The following BRPF1 variants were observed in gnomAD, a reference collection of about 807,000 sequenced individuals.
BRPF1 encodes the protein peregrin.
A neutral mutation model predicts 115.0 loss-of-function variants in BRPF1; 15 were observed. The observed-to-expected ratio is 0.13, with a 90% CI of 0.09 to 0.20. BRPF1 has a LOEUF of 0.20. BRPF1 is among the 10% of genes least tolerant of loss of function. BRPF1 has a pLI of 1.00. For missense variants in BRPF1, 1,118 were observed against 1,638.3 expected (o/e 0.68, Z 5.48); for synonymous variants, 647 against 619.8 (o/e 1.04, Z -0.65).
rs2077025861 is a variant in BRPF1, at chr3:9,741,323, A to G, written c.1738A>G (p.Lys580Glu). ...CDQVGRDSED[K>E]NWALKEQLKS... ...GCCTCTACAGAGAGATTCTGAGGAT[A>G]AGAACTGGGCCCTTAAAGAACAGCT... is the stretch of plus-strand genomic sequence containing the variant. Residue 580 changes from lysine (K) to glutamate (E), a missense_variant, in exon 5 of 14, where the codon AAG (lysine) becomes GAG (glutamate). Lys to Glu is a moderately conservative substitution (Grantham distance 56). Transcript: ENST00000383829. 1 of 1,584,112 alleles carries G rather than the reference A, an allele frequency of 6.3e-7. No homozygotes were observed. The highest frequency in any genetic ancestry group is 8.6e-7 in the Non-Finnish European group (1 of 1,160,996).
intron 3 of BRPF1, among the ~76,000 whole-genome samples, chr3:9,740,468 G>A (rs2077010610): frequency 6.6e-6 from 1 of 152,220 alleles, no homozygotes; most frequent in Non-Finnish European, 1.5e-5. Context: ...CTCAGTCTCA[G>A]TGGGGCTCCC....
chr3:9,743,530 C>G lies in BRPF1; in HGVS notation c.2312-48C>G. The G allele has an allele frequency of 6.4e-7, 1 of 1,572,790 alleles. No individual in the cohort carries two copies. The highest frequency in any genetic ancestry group is 8.6e-7 in the Non-Finnish European group (1 of 1,156,724). On this transcript the variant is annotated intron_variant, in intron 7 of 13. Coordinates refer to ENST00000383829, the MANE Select transcript of BRPF1 (RefSeq NM_001003694.2). The surrounding 1 kb of genome is among the most constrained non-coding windows in gnomAD (Gnocchi z 6.1). ...GCTGCCTGCCCAGGTTCAAGGGGCC[C>G]TGAGGGCTGCCCTGAGTCTGACCTT...
In BRPF1 at chr3:9,747,633, T is replaced by G; in HGVS notation, c.*284T>G. The G allele has an allele frequency of 3.1e-6, 1 of 324,742 alleles. No homozygotes were observed. Among genetic ancestry groups the G allele is most frequent in the Non-Finnish European group, 5.8e-6 (1 of 171,540 alleles). 20.1% of individuals were successfully genotyped at this position (324,742 alleles called of 1,614,324 possible). A position where few individuals can be genotyped will look rare whatever the true frequency, so the allele number is the denominator to read the frequency against. ...GTAGGGCGGGGTGGTGGGCCAAAGT[T>G]AGGACACTGCGTAAAACAGGCCATC... On this transcript the variant is annotated 3_prime_UTR_variant, in exon 14 of 14. Coordinates refer to ENST00000383829, the MANE Select transcript of BRPF1 (RefSeq NM_001003694.2). The surrounding 1 kb of genome is among the most constrained non-coding windows in gnomAD (Gnocchi z 5.6).
At position 9,739,732 on chromosome 3, in the gene BRPF1, G is replaced by A; in HGVS notation, c.1333G>A (p.Asp445Asn). 2 of 1,614,074 alleles carry A rather than the reference G, an allele frequency of 1.2e-6. No homozygotes were observed. Among genetic ancestry groups the A allele is most frequent in the Non-Finnish European group, 1.7e-6 (2 of 1,179,910 alleles). ...CAGTGTCCGCAAGACAGCCTACTGCGACATCCACACGCCTCCAGGTTCAGC... is the reference window on the plus strand; with the variant it reads ...CAGTGTCCGCAAGACAGCCTACTGCAACATCCACACGCCTCCAGGTTCAGC... ...SFSVRKTAYC[D>N]IHTPPGSARR... The change falls in exon 3 of 14, where the codon GAC becomes AAC. Residue 445 changes from aspartate (D) to asparagine (N), a missense_variant. This residue lies in a region of BRPF1 where 87 missense variants were observed against 93.4 expected (regional missense o/e 0.93). Coordinates refer to ENST00000383829, the MANE Select transcript of BRPF1 (RefSeq NM_001003694.2).
chr3:9,742,324 C>CTCT (rs2077045417), intron 6 of BRPF1, 153 bp downstream of exon 6: 1 of 985,220 alleles, frequency 1.0e-6, no homozygotes, highest in Non-Finnish European at 1.2e-6. Flanking sequence ...ATCACCTGGA[C>CTCT]TCTGTCTTGT....
Position 9,745,421 on chromosome 3 carries a change from G to T in BRPF1, c.3069-152G>T. 12 of 1,010,846 alleles carry T rather than the reference G, an allele frequency of 1.2e-5. No homozygotes were observed. The highest frequency in any genetic ancestry group is 2.4e-5 in the Admixed American group (1 of 41,434). 62.6% of individuals were successfully genotyped at this position (1,010,846 alleles called of 1,614,324 possible). On this transcript the variant is annotated intron_variant, in intron 10 of 13. Coordinates refer to ENST00000383829, the MANE Select transcript of BRPF1 (RefSeq NM_001003694.2). This position sits in a 1 kb window ranked among gnomAD's most constrained non-coding sequence, Gnocchi z 5.1. ...CCACCTCTGTTAGGTCATCAGCCTA[G>T]CCCCTGTGGGTGTTTGAATTTGAAA...
In BRPF1 at chr3:9,745,461, T is replaced by C. The variant is rs2077106906; in HGVS notation, c.3069-112T>C. The C allele has an allele frequency of 3.1e-6, 4 of 1,280,312 alleles. No homozygotes were observed. The highest frequency in any genetic ancestry group is 4.4e-6 in the Non-Finnish European group (4 of 903,242). The allele number at this position is 1,280,312 out of a possible 1,614,324, so 79.3% of individuals were successfully genotyped here. ...TGAATTTGAAATTCCTCATATAGCC[T>C]CTGCTTTCCAAAAGTCTCAGACCCT... On this transcript the variant is annotated intron_variant, in intron 10 of 13. Coordinates refer to ENST00000383829, the MANE Select transcript of BRPF1 (RefSeq NM_001003694.2). The surrounding 1 kb of genome is among the most constrained non-coding windows in gnomAD (Gnocchi z 5.1).
At position 9,734,518 on chromosome 3, in the gene BRPF1, C is replaced by T. The variant is rs370735679; in HGVS notation, c.378C>T (p.Pro126=). 494 of 1,614,054 alleles carry T rather than the reference C, an allele frequency of 3.1e-4. No homozygotes were observed. Among genetic ancestry groups the T allele is most frequent in the Non-Finnish European group, 3.8e-4 (449 of 1,179,998 alleles). The change falls in exon 2 of 14, where the codon CCC becomes CCT. Residue 126 remains proline (P), a synonymous_variant. Transcript: ENST00000383829. The surrounding 1 kb of genome is among the most constrained non-coding windows in gnomAD (Gnocchi z 5.7). Reference sequence around the variant, plus strand: ...TGGTGTCAGAGGATGAGGAAGCCCCCGAGGAGGCCCCTGAGAATGGCAGCA... The same window carrying T: ...TGGTGTCAGAGGATGAGGAAGCCCCTGAGGAGGCCCCTGAGAATGGCAGCA... The part of the protein sequence containing the change: ...LDVVSEDEEA[P]EEAPENGSNK...
At position 9,734,682 on chromosome 3, in the gene BRPF1, A is replaced by G. The variant is rs201587774; in HGVS notation, c.542A>G (p.Tyr181Cys). 3.1e-6 allele frequency: 5 copies of G among 1,614,184 alleles called. No homozygotes were observed. The highest frequency in any genetic ancestry group is 1.3e-5 in the African/African-American group (1 of 75,040). ...STTPKLPEVV[Y>C]RELEQDTPDA... ...ACTCCCAAGCTGCCAGAGGTGGTCTATCGGGAGCTGGAACAGGACACCCCT... is the reference window on the plus strand; with the variant it reads ...ACTCCCAAGCTGCCAGAGGTGGTCTGTCGGGAGCTGGAACAGGACACCCCT... The change falls in exon 2 of 14, where the codon TAT becomes TGT. Residue 181 changes from tyrosine to cysteine, a missense_variant. Tyr to Cys is a radical substitution (Grantham distance 194). This residue lies in a region of BRPF1 where 280 missense variants were observed against 382.8 expected (regional missense o/e 0.73). Coordinates refer to ENST00000383829, the MANE Select transcript of BRPF1 (RefSeq NM_001003694.2). This position sits in a 1 kb window ranked among gnomAD's most constrained non-coding sequence, Gnocchi z 5.7.
intron 6 of BRPF1, 88 bp from the exon 7 acceptor site, chr3:9,742,856 A>G (rs1055967966): frequency 1.8e-5 from 25 of 1,395,474 alleles, no homozygotes; most frequent in Non-Finnish European, 2.5e-5. Flanking sequence ...AGGTTGCTGG[A>G]TGTGTTTCAG....
At position 9,743,472 on chromosome 3, in the gene BRPF1, G is replaced by C. The variant is rs1220982808; in HGVS notation, c.2312-106G>C. The C allele has an allele frequency of 7.4e-7, 1 of 1,354,456 alleles. No homozygotes were observed. 83.9% of individuals were successfully genotyped at this position (1,354,456 alleles called of 1,614,324 possible). A position where few individuals can be genotyped will look rare whatever the true frequency, so the allele number is the denominator to read the frequency against. ...TGCTGCTATTTTACAGCTGTTCCTG[G>C]TGAGAAGCCCAGGGGGGATGAGTGG... On this transcript the variant is annotated intron_variant, in intron 7 of 13. Coordinates refer to ENST00000383829, the MANE Select transcript of BRPF1 (RefSeq NM_001003694.2). The surrounding 1 kb of genome is among the most constrained non-coding windows in gnomAD (Gnocchi z 6.1).
In BRPF1 at chr3:9,747,252, A is replaced by G; in HGVS notation, c.3566A>G (p.Asn1189Ser). The stretch of plus-strand genomic sequence containing the variant: ...AAGATGCTGGAGGGCCGCAAGTCCA[A>G]CATCCGCAAGTCAGTACAGATCGCC... ...KEKMLEGRKSNIRKSVQIAYH... is the reference protein window; with the variant it reads ...KEKMLEGRKSSIRKSVQIAYH... Residue 1189 changes from asparagine (N) to serine (S), a missense_variant, in exon 14 of 14, where the codon AAC (asparagine) becomes AGC (serine). Coordinates refer to ENST00000383829, the MANE Select transcript of BRPF1 (RefSeq NM_001003694.2). The surrounding 1 kb of genome is among the most constrained non-coding windows in gnomAD (Gnocchi z 5.6). The G allele has an allele frequency of 6.2e-7, 1 of 1,614,204 alleles. No homozygotes were observed.
At chr3:9,732,373 G>A (rs987788288) in intron 1 of BRPF1, 2 of 152,250 alleles carry the variant, frequency 1.3e-5, no homozygotes, top group African/African-American at 4.8e-5. Flanking sequence ...TCCACAAAGG[G>A]GAAACGCCGC....
In BRPF1 at chr3:9,739,064, A is replaced by G. The variant is rs753195868; in HGVS notation, c.665A>G (p.Tyr222Cys). 1.1e-5 allele frequency: 18 copies of G among 1,612,170 alleles called. No individual in the cohort carries two copies. Among genetic ancestry groups the G allele is most frequent in the South Asian group, 2.2e-5 (2 of 90,866 alleles). ...GAGTATGACATGGACGAGGAGGACT[A>G]CATCTGGCTGGATATCATGAATGAG... The part of the protein sequence containing the change: ...EVEYDMDEED[Y>C]IWLDIMNERR... Residue 222 changes from tyrosine (Y) to cysteine (C), a missense_variant, in exon 3 of 14, where the codon TAC (tyrosine) becomes TGC (cysteine). Physicochemically the swap from Tyr to Cys is radical, Grantham distance 194. This residue lies in a region of BRPF1 where 280 missense variants were observed against 382.8 expected (regional missense o/e 0.73). Coordinates refer to ENST00000383829, the MANE Select transcript of BRPF1 (RefSeq NM_001003694.2).
Position 9,746,459 on chromosome 3 carries a change from G to A in BRPF1, c.3479+5G>A. ...CTTTGACAACAAACGAACCTGGTAAGGAGGGGAGCATTTGGTGTGACTCAC... is the reference window on the plus strand; with the variant it reads ...CTTTGACAACAAACGAACCTGGTAAAGAGGGGAGCATTTGGTGTGACTCAC... On this transcript the variant is annotated splice_donor_5th_base_variant and intron_variant, in intron 13 of 13. Transcript: ENST00000383829. 1 of 1,564,634 alleles carries A rather than the reference G, an allele frequency of 6.4e-7. No individual in the cohort carries two copies.
chr3:9,742,537 A>C (rs1323346648), intron 6 of BRPF1: 39 of 985,290 alleles, frequency 4.0e-5, no homozygotes, highest in Non-Finnish European at 4.3e-5. Context: ...TCTTCTCTCT[A>C]AAAGGTATAA....
rs2076914176 is a variant in BRPF1 at position 9,734,878 on chromosome 3, T to C, written c.599+139T>C. 3.8e-6 allele frequency: 4 copies of C among 1,061,898 alleles called. No individual in the cohort carries two copies. The highest frequency in any genetic ancestry group is 5.4e-6 in the Non-Finnish European group (4 of 738,200). 65.8% of individuals were successfully genotyped at this position (1,061,898 alleles called of 1,614,324 possible). Reference sequence around the variant, plus strand: ...ACACTGATTTTGCCAGGGCAGTGAGTGGAATGGTACGCCACTAATGCACTT... The same window carrying C: ...ACACTGATTTTGCCAGGGCAGTGAGCGGAATGGTACGCCACTAATGCACTT... On this transcript the variant is annotated intron_variant, in intron 2 of 13. Transcript: ENST00000383829. The surrounding 1 kb of genome is among the most constrained non-coding windows in gnomAD (Gnocchi z 5.7).
chr3:9,732,454 C>T (rs931391140), intron 1 of BRPF1: 9 of 152,226 alleles, frequency 5.9e-5, no homozygotes, highest in African/African-American at 2.2e-4. Context: ...CCCCTTACTT[C>T]CTCCAGCCCC....
intron 2 of BRPF1, among the ~76,000 whole-genome samples, chr3:9,738,311 C>T (rs1022262998): frequency 6.6e-6 from 1 of 152,192 alleles, no homozygotes; most frequent in Admixed American, 6.5e-5. Context: ...ATGAGGACAA[C>T]AAGAACACTA....
Sources: gnomAD v4.1 joint callset for allele counts (sites outside exome capture counted in the v4.1 genomes callset) on GRCh38, gnomAD v4.1.1 for gene constraint, gnomAD v4.1.1 regional missense constraint, Gnocchi (gnomAD v3.1) non-coding constraint, MANE v1.5 for transcripts, NCBI Gene and HGNC (gene_info 2026-07-23, HGNC 2026-07-21) for gene names.